SCG5: variants seen among roughly 807,000 people sequenced by gnomAD.
The protein encoded by SCG5 is secretogranin V.
In SCG5, 18 loss-of-function variants were observed where a neutral mutation model predicts 25.7. The observed-to-expected ratio is 0.70, with a 90% CI of 0.48 to 1.04. SCG5 has a LOEUF of 1.04. Among genes scored for constraint, SCG5 ranks in the 50% least tolerant of loss-of-function variants. The pLI is 0.00. For missense variants in SCG5, 206 were observed against 259.8 expected (o/e 0.79, Z 1.42); for synonymous variants, 101 against 91.7 (o/e 1.10, Z -0.58).
chr15:32,663,089 ATGT>A (rs2054263680), intron 2 of SCG5, among the ~76,000 whole-genome samples: 2 of 139,318 alleles, frequency 1.4e-5, no homozygotes, highest in Non-Finnish European at 3.1e-5. Context: ...AATATATAAT[ATGT>A]TATATATACA....
intron 2 of SCG5, among the ~76,000 whole-genome samples, chr15:32,663,378 A>G (rs1425975575): frequency 3.3e-5 from 5 of 151,526 alleles, no homozygotes; most frequent in African/African-American, 4.8e-5. Context: ...ATGTCTGTGA[A>G]TTTGCCTCTT....
intron 5 of SCG5, chr15:32,692,007 T>C: frequency 7.3e-7 from 1 of 1,370,914 alleles, no homozygotes; most frequent in African/African-American, 1.5e-5. Context: ...TTCTAGCAAC[T>C]CCATTCCGTT....
chr15:32,652,769 C>A (rs1403125308), intron 2 of SCG5, among the ~76,000 whole-genome samples: 1 of 152,194 alleles, frequency 6.6e-6, no homozygotes, highest in Non-Finnish European at 1.5e-5. Context: ...CATTTATACA[C>A]CTCACTGATA....
chr15:32,653,715 C>T (rs375674453), intron 2 of SCG5, among the ~76,000 whole-genome samples: 4 of 152,186 alleles, frequency 2.6e-5, no homozygotes, highest in African/African-American at 7.2e-5. Flanking sequence ...TTTCTCTTAA[C>T]GTCTTCAGTG....
At position 32,691,740 on chromosome 15, in the gene SCG5, G is replaced by A. The variant is rs779541282; in HGVS notation, c.520G>A (p.Gly174Arg). ...NKKLLYEKMK[G>R]GERRKRRSVN... ...GAAACTCCTTTACGAGAAGATGAAGGGAGGAGAGAGACGAAAGCGGAGGGT... is the reference window on the plus strand; with the variant it reads ...GAAACTCCTTTACGAGAAGATGAAGAGAGGAGAGAGACGAAAGCGGAGGGT... Residue 174 changes from glycine to arginine, a missense_variant, in exon 5 of 6, where the codon GGA becomes AGA. Physicochemically the swap from Gly to Arg is moderately radical, Grantham distance 125. Coordinates refer to ENST00000300175, the MANE Select transcript of SCG5 (RefSeq NM_001144757.3). 2.5e-6 allele frequency: 4 copies of A among 1,612,248 alleles called. No homozygotes were observed. The highest frequency in any genetic ancestry group is 1.7e-4 in the Middle Eastern group (1 of 6,060).
intron 2 of SCG5, among the ~76,000 whole-genome samples, chr15:32,663,117 T>C (rs2054264706): frequency 6.8e-6 from 1 of 146,476 alleles, no homozygotes; most frequent in Admixed American, 6.9e-5. Context: ...TGTATACATA[T>C]ATACATATAT....
intron 2 of SCG5, among the ~76,000 whole-genome samples, chr15:32,644,181 A>G (rs1243760155): frequency 6.6e-6 from 1 of 152,236 alleles, no homozygotes; most frequent in African/African-American, 2.4e-5. Context: ...AAGAAAGATT[A>G]GAACCCAGAC....
At chr15:32,651,238 CACTG>C (rs1191117053) in intron 2 of SCG5, among the ~76,000 whole-genome samples, 3 of 152,134 alleles carry the variant, frequency 2.0e-5, no homozygotes, top group African/African-American at 7.2e-5. Flanking sequence ...TTTTTTATAA[CACTG>C]ACTGTTGGAC....
intron 2 of SCG5, among the ~76,000 whole-genome samples, chr15:32,667,813 C>T (rs1322173524): frequency 2.0e-5 from 3 of 151,990 alleles, no homozygotes; most frequent in African/African-American, 4.8e-5. Context: ...ACTGGGACTA[C>T]AGGCACACAC....
chr15:32,694,754 T>C (rs2054924246), intron 5 of SCG5, among the ~76,000 whole-genome samples: 1 of 152,284 alleles, frequency 6.6e-6, no homozygotes, highest in South Asian at 2.1e-4. Context: ...TCACCTACTT[T>C]GTGATGCATC....
Position 32,696,521 on chromosome 15 carries a change from A to T in SCG5, c.551A>T (p.Asn184Ile). 1 of 1,610,480 alleles carries T rather than the reference A, an allele frequency of 6.2e-7. No homozygotes were observed. The highest frequency in any genetic ancestry group is 8.5e-7 in the Non-Finnish European group (1 of 1,177,462). Residue 184 changes from asparagine (N) to isoleucine (I), a missense_variant, in exon 6 of 6, where the codon AAT becomes ATT. Transcript: ENST00000300175. ...TGTTTGTTTGTTTTTCAGAGTGTCA[A>T]TCCATATCTACAAGGACAGAGACTG... is the stretch of plus-strand genomic sequence containing the variant. ...GGERRKRRSV[N>I]PYLQGQRLDN... is the part of the protein sequence containing the mutation.
chr15:32,650,889 T>G (rs1398587524), intron 2 of SCG5, among the ~76,000 whole-genome samples: 1 of 152,180 alleles, frequency 6.6e-6, no homozygotes, highest in East Asian at 1.9e-4. Flanking sequence ...TAAATCCATA[T>G]TGCCAAACAT....
intron 4 of SCG5, among the ~76,000 whole-genome samples, chr15:32,688,830 G>A (rs1002823710): frequency 2.3e-4 from 35 of 152,102 alleles, no homozygotes; most frequent in Middle Eastern, 3.4e-3. Context: ...GCGGTGGCGG[G>A]TGCCTGTAGT....
At chr15:32,691,911 C>G in intron 5 of SCG5, 148 bp downstream of exon 5, 1 of 1,483,602 alleles carries the variant, frequency 6.7e-7, no homozygotes, top group Non-Finnish European at 9.0e-7. Flanking sequence ...ACAAGGGCCA[C>G]ACCCAGAAAG....
At chr15:32,663,051 ATATATATATATATATAT>A (rs1567076314) in intron 2 of SCG5, among the ~76,000 whole-genome samples, 1 of 75,284 alleles carries the variant, frequency 1.3e-5, no homozygotes, top group Non-Finnish European at 2.5e-5. Context: ...ATATATATAT[ATATATATATATATATAT>A]ATATATATAT....
At chr15:32,660,272 A>C (rs1266215201) in intron 2 of SCG5, among the ~76,000 whole-genome samples, 1 of 152,134 alleles carries the variant, frequency 6.6e-6, no homozygotes, top group Non-Finnish European at 1.5e-5. Context: ...GCTTGCTCTC[A>C]GCTTGCCAGA....
chr15:32,656,648 A>C (rs1278660518), intron 2 of SCG5, among the ~76,000 whole-genome samples: 1 of 152,220 alleles, frequency 6.6e-6, no homozygotes, highest in Non-Finnish European at 1.5e-5. Context: ...ATGTGCTGGG[A>C]GTCGTGGTAA....
At position 32,663,079 on chromosome 15, in the gene SCG5, A is replaced by T. The variant is rs56155934; in HGVS notation, c.227-16687A>T. On this transcript the variant is annotated intron_variant, in intron 2 of 5. Transcript: ENST00000300175. ...TATATATATATATATATATATATAT[A>T]ATATATAATATGTTATATATACACA... Among the ~76,000 whole-genome samples the T allele has an allele frequency of 3.1e-3, 207 of 65,968 alleles. 6 individuals are homozygous for T. Among genetic ancestry groups the T allele is most frequent in the Admixed American group, 0.019 (119 of 6,114 alleles). The allele number at this position is 65,968 out of a possible 152,430, so 43.3% of individuals were successfully genotyped here.
chr15:32,659,388 C>A lies in SCG5; in HGVS notation c.226+15570C>A, dbSNP rs57831536. Among the ~76,000 whole-genome samples the A allele has an allele frequency of 2.6e-3, 389 of 152,256 alleles. 2 individuals carry two copies. The highest frequency in any genetic ancestry group is 9.0e-3 in the African/African-American group (372 of 41,542). ...CACGGACTTCTCATGGCAAGTTAGA[C>A]GATCCCAGGTGCCCAGTGGGTGGCA... On this transcript the variant is annotated intron_variant, in intron 2 of 5. Coordinates refer to ENST00000300175, the MANE Select transcript of SCG5 (RefSeq NM_001144757.3).
Sources: gnomAD v4.1 joint callset for allele counts (sites outside exome capture counted in the v4.1 genomes callset) on GRCh38, gnomAD v4.1.1 for gene constraint, MANE v1.5 for transcripts, NCBI Gene and HGNC (gene_info 2026-07-23, HGNC 2026-07-21) for gene names.